SPRED1: variants seen among roughly 807,000 people sequenced by gnomAD.
SPRED1 encodes the protein sprouty-related, EVH1 domain-containing protein 1.
SPRED1 carries 18 observed loss-of-function variants against 52.3 expected under a neutral mutation model. That is an observed-to-expected ratio of 0.34 (90% confidence interval 0.24 to 0.51). SPRED1 has a LOEUF of 0.51. Ranked by LOEUF, SPRED1 falls within the 20% of genes least tolerant of loss-of-function variation. The probability of loss-of-function intolerance (pLI) is 0.97; values close to 1 mark genes in which losing one functional copy is unlikely to be tolerated. For synonymous variants in SPRED1, 155 were observed against 179.7 expected (o/e 0.86, Z 1.10); for missense variants, 485 against 551.0 (o/e 0.88, Z 1.20).
At chr15:38,273,996 G>A (rs1445883030) in intron 1 of SPRED1, among the ~76,000 whole-genome samples, 1 of 152,130 alleles carries the variant, frequency 6.6e-6, no homozygotes, top group Non-Finnish European at 1.5e-5. Flanking sequence ...ATAATCTTGA[G>A]AACTTTTTCA....
chr15:38,259,202 A>G (rs955333347), intron 1 of SPRED1, among the ~76,000 whole-genome samples: 2 of 152,232 alleles, frequency 1.3e-5, no homozygotes, highest in African/African-American at 4.8e-5. Context: ...CTTAATAGCC[A>G]TGTATCTTTG....
chr15:38,309,348 C>A (rs1014885964), intron 2 of SPRED1, among the ~76,000 whole-genome samples: 15 of 152,174 alleles, frequency 9.9e-5, no homozygotes, highest in Non-Finnish European at 2.1e-4. Context: ...ACCATGTTGG[C>A]CAGGCTGGTC....
intron 2 of SPRED1, among the ~76,000 whole-genome samples, chr15:38,312,737 G>A (rs1014128866): frequency 1.3e-5 from 2 of 151,870 alleles, no homozygotes; most frequent in South Asian, 4.2e-4. Flanking sequence ...CAGTTTTTTA[G>A]GAAATTGGCT....
At chr15:38,263,441 A>G (rs768724697) in intron 1 of SPRED1, among the ~76,000 whole-genome samples, 6 of 152,176 alleles carry the variant, frequency 3.9e-5, no homozygotes, top group Non-Finnish European at 8.8e-5. Flanking sequence ...GAGAATATTA[A>G]GTAATAATGG....
chr15:38,268,941 T>C (rs1894368906), intron 1 of SPRED1, among the ~76,000 whole-genome samples: 1 of 16,438 alleles, frequency 6.1e-5, no homozygotes, highest in Non-Finnish European at 5.2e-4. Context: ...AACTTTTTTC[T>C]TTTTTTTTTT....
chr15:38,290,999 A>T (rs906617246), intron 1 of SPRED1, among the ~76,000 whole-genome samples: 1 of 152,136 alleles, frequency 6.6e-6, no homozygotes, highest in Non-Finnish European at 1.5e-5. Flanking sequence ...CCAGAGTCCA[A>T]AGTCTCATTC....
At chr15:38,301,377 C>T (rs1197141770) in intron 2 of SPRED1, among the ~76,000 whole-genome samples, 1 of 152,086 alleles carries the variant, frequency 6.6e-6, no homozygotes, top group Non-Finnish European at 1.5e-5. Flanking sequence ...GATTATTTTG[C>T]TAGAAGTAAC....
chr15:38,284,870 TTA>T (rs1372488397), intron 1 of SPRED1, among the ~76,000 whole-genome samples: 2 of 122,354 alleles, frequency 1.6e-5, no homozygotes, highest in Non-Finnish European at 3.6e-5. Context: ...TTTTTTTTTT[TTA>T]AACCTATTTG....
chr15:38,316,547 T>A (rs560980242), intron 2 of SPRED1, among the ~76,000 whole-genome samples: 1 of 152,008 alleles, frequency 6.6e-6, no homozygotes, highest in African/African-American at 2.4e-5. Context: ...ATACACCACA[T>A]AACTGTATTT....
chr15:38,262,935 C>T (rs562719629), intron 1 of SPRED1, among the ~76,000 whole-genome samples: 12 of 152,164 alleles, frequency 7.9e-5, no homozygotes, highest in South Asian at 6.2e-4. Flanking sequence ...TAGACAGTGG[C>T]GACTCAGTAT....
chr15:38,281,530 C>G (rs1894687860), intron 1 of SPRED1, among the ~76,000 whole-genome samples: 3 of 149,608 alleles, frequency 2.0e-5, no homozygotes, highest in Admixed American at 6.7e-5. Flanking sequence ...GTAGCTAAGA[C>G]TATAGGTGTG....
intron 5 of SPRED1, among the ~76,000 whole-genome samples, chr15:38,347,604 T>C (rs930926817): frequency 6.6e-6 from 1 of 151,952 alleles, no homozygotes; most frequent in Non-Finnish European, 1.5e-5. Flanking sequence ...AGGGGATAAT[T>C]TATCATCTTA....
At chr15:38,349,669 C>A in intron 6 of SPRED1, 146 bp downstream of exon 6, 1 of 620,280 alleles carries the variant, frequency 1.6e-6, no homozygotes, top group South Asian at 1.8e-5. Flanking sequence ...TGCTTAAACG[C>A]TGTTAGTTAA....
At chr15:38,273,470 G>A (rs1894481205) in intron 1 of SPRED1, among the ~76,000 whole-genome samples, 2 of 149,356 alleles carry the variant, frequency 1.3e-5, no homozygotes, top group Admixed American at 6.7e-5. Flanking sequence ...TGAATATCAT[G>A]AACTAAGTTT....
chr15:38,286,450 G>T (rs976670360), intron 1 of SPRED1, among the ~76,000 whole-genome samples: 2 of 151,194 alleles, frequency 1.3e-5, no homozygotes, highest in Non-Finnish European at 2.9e-5. Context: ...TATCTTCTAA[G>T]TAAGCAGTCA....
intron 4 of SPRED1, among the ~76,000 whole-genome samples, chr15:38,328,423 A>G (rs1222171159): frequency 6.6e-6 from 1 of 152,210 alleles, no homozygotes; most frequent in Non-Finnish European, 1.5e-5. Context: ...GCTTTCAACA[A>G]TTAATGTCTT....
intron 3 of SPRED1, 134 bp downstream of exon 3, chr15:38,322,543 A>G: frequency 1.3e-6 from 1 of 792,242 alleles, no homozygotes; most frequent in Non-Finnish European, 2.1e-6. Flanking sequence ...CAGGCTTTGA[A>G]ACCTCACAAT....
At chr15:38,325,604 C>A (rs752552547) in intron 4 of SPRED1, among the ~76,000 whole-genome samples, 3 of 152,026 alleles carry the variant, frequency 2.0e-5, no homozygotes, top group Admixed American at 2.0e-4. Context: ...TTTTCTTATG[C>A]CTTTCAACTA....
chr15:38,331,404 T>A (rs1439443199), intron 4 of SPRED1, among the ~76,000 whole-genome samples: 1 of 152,118 alleles, frequency 6.6e-6, no homozygotes, highest in Non-Finnish European at 1.5e-5. Flanking sequence ...ATGTTCATGT[T>A]TCCATAGTAA....
Sources: allele counts gnomAD v4.1 joint callset (sites outside exome capture counted in the v4.1 genomes callset), GRCh38; gene constraint gnomAD v4.1.1; transcripts MANE v1.5; gene names NCBI Gene and HGNC (gene_info 2026-07-23, HGNC 2026-07-21).